The following PRDM16 variants were observed in gnomAD, a reference collection of about 807,000 sequenced individuals.
PRDM16 encodes histone-lysine N-methyltransferase PRDM16.
A neutral mutation model predicts 110.6 loss-of-function variants in PRDM16; 23 were observed. That is an observed-to-expected ratio of 0.21 (90% CI 0.15 to 0.29). The LOEUF (loss-of-function observed/expected upper bound fraction) is 0.29, where lower values mean the gene tolerates loss of function less well. Ranked by LOEUF, PRDM16 falls within the 10% of genes least tolerant of loss-of-function variation. The pLI, the probability that PRDM16 is intolerant of heterozygous loss-of-function variation, is 1.00. For missense variants in PRDM16, 1,615 were observed against 1,794.3 expected, an observed-to-expected ratio of 0.90 and a Z score of 1.81; for synonymous variants, 799 against 781.8, an observed-to-expected ratio of 1.02 and a Z score of -0.37.
chr1:3,248,716 G>T (rs935647943), intron 3 of PRDM16, among the ~76,000 whole-genome samples: 3 of 152,236 alleles, frequency 2.0e-5, no homozygotes, highest in Admixed American at 1.3e-4. Flanking sequence ...TCGTCTGATA[G>T]CCCAGCCTTG....
chr1:3,134,224 C>T (rs1474344667), intron 1 of PRDM16, among the ~76,000 whole-genome samples: 3 of 152,162 alleles, frequency 2.0e-5, no homozygotes, highest in Non-Finnish European at 2.9e-5. Context: ...GAGGCTCCCA[C>T]AGAGAGGGGA....
chr1:3,314,491 A>G (rs982684031), intron 3 of PRDM16, among the ~76,000 whole-genome samples: 1 of 152,042 alleles, frequency 6.6e-6, no homozygotes, highest in African/African-American at 2.4e-5. Flanking sequence ...CCCACCTTAC[A>G]AAGTCCCCCA....
chr1:3,386,030 T>G (rs1643189717), intron 4 of PRDM16, among the ~76,000 whole-genome samples: 1 of 152,194 alleles, frequency 6.6e-6, no homozygotes, highest in Non-Finnish European at 1.5e-5. Context: ...GGTCGCTGCT[T>G]CATGGATTTC....
At chr1:3,191,141 T>C (rs1256476632) in intron 2 of PRDM16, among the ~76,000 whole-genome samples, 1 of 152,270 alleles carries the variant, frequency 6.6e-6, no homozygotes, top group Non-Finnish European at 1.5e-5. Context: ...AGAACGCTGA[T>C]GAGTAAGTGC....
At chr1:3,356,660 G>C (rs771351978) in intron 3 of PRDM16, among the ~76,000 whole-genome samples, 17 of 152,188 alleles carry the variant, frequency 1.1e-4, no homozygotes, top group Admixed American at 2.0e-4. Context: ...CCCCAGAGCG[G>C]CCCCAGGAGG....
rs1019565363 is a variant in PRDM16 at position 3,144,619 on chromosome 1, C to T, written c.38-41506C>T. Among the ~76,000 whole-genome samples, 30 of 152,302 alleles carry T rather than the reference C, an allele frequency of 2.0e-4. 1 individual carries two copies. The highest frequency in any genetic ancestry group is 1.2e-3 in the Admixed American group (18 of 15,302). Reference sequence around the variant, plus strand: ...CAGTTGTAGACCCCACAGCACCCTGCGAGATGGTGCTCTGTGTGCCCGCGT... The same window carrying T: ...CAGTTGTAGACCCCACAGCACCCTGTGAGATGGTGCTCTGTGTGCCCGCGT... On this transcript the variant is annotated intron_variant, in intron 1 of 16. Coordinates refer to ENST00000270722, the MANE Select transcript of PRDM16 (RefSeq NM_022114.4).
chr1:3,121,773 G>A (rs1055273751), intron 1 of PRDM16, among the ~76,000 whole-genome samples: 8 of 152,220 alleles, frequency 5.3e-5, no homozygotes, highest in South Asian at 4.1e-4. Context: ...CCTTCTCTGC[G>A]GGGCCGGCCA....
chr1:3,396,529 G>C lies in PRDM16; in HGVS notation c.612G>C (p.Glu204Asp). 6.2e-7 allele frequency: 1 copy of C among 1,607,204 alleles called. No individual in the cohort carries two copies. Among genetic ancestry groups the C allele is most frequent in the South Asian group, 1.1e-5 (1 of 89,490 alleles). ...TCATTAAGGACATTGAGCCAGGTGA[G>C]GAGCTGCTGGTGCACGTGAAGGAAG... ...YKVIKDIEPG[E>D]ELLVHVKEGV... is the part of the protein sequence containing the mutation. Residue 204 changes from glutamate (E) to aspartate (D), a missense_variant, in exon 5 of 17, where the codon GAG becomes GAC. Glu to Asp is a conservative substitution (Grantham distance 45, BLOSUM62 2). This residue lies in a region of PRDM16 where 416 missense variants were observed against 467.1 expected (regional missense o/e 0.89). Transcript: ENST00000270722.
At chr1:3,140,011 G>A (rs1318260099) in intron 1 of PRDM16, among the ~76,000 whole-genome samples, 2 of 152,256 alleles carry the variant, frequency 1.3e-5, no homozygotes, top group Admixed American at 6.5e-5. Context: ...CAGCCCCGGC[G>A]ACGCATCTCC....
At chr1:3,158,814 C>A (rs1019445452) in intron 1 of PRDM16, among the ~76,000 whole-genome samples, 1 of 146,002 alleles carries the variant, frequency 6.8e-6, no homozygotes, top group Non-Finnish European at 1.5e-5. Context: ...TGTTCTGTTG[C>A]CCAGGCTGGA....
At chr1:3,170,911 CGT>C (rs1367822895) in intron 1 of PRDM16, among the ~76,000 whole-genome samples, 1 of 152,264 alleles carries the variant, frequency 6.6e-6, no homozygotes, top group Non-Finnish European at 1.5e-5. Flanking sequence ...ACCGGGGAAA[CGT>C]GTGTTTCAGC....
rs1279601706 is a variant in PRDM16, at chr1:3,403,586, G to A, written c.884+588G>A. On this transcript the variant is annotated intron_variant, in intron 6 of 16. Coordinates refer to ENST00000270722, the MANE Select transcript of PRDM16 (RefSeq NM_022114.4). Reference sequence around the variant, plus strand: ...GTCCCAGGAGGGGCTTCAGAGACATGAGCGGGCCCACGGTGGCCCTCCCCT... The same window carrying A: ...GTCCCAGGAGGGGCTTCAGAGACATAAGCGGGCCCACGGTGGCCCTCCCCT... Among the ~76,000 whole-genome samples, 5 of 152,228 alleles carry A rather than the reference G, an allele frequency of 3.3e-5. No homozygotes were observed. In the East Asian group the frequency reaches 9.7e-4, roughly 29 times the overall value.
chr1:3,365,912 A>G (rs1642801390), intron 3 of PRDM16, among the ~76,000 whole-genome samples: 1 of 146,962 alleles, frequency 6.8e-6, no homozygotes, highest in Non-Finnish European at 1.5e-5. Context: ...ACACACATGC[A>G]CACATACACA....
At chr1:3,106,078 C>T (rs1456579171) in intron 1 of PRDM16, among the ~76,000 whole-genome samples, 3 of 151,758 alleles carry the variant, frequency 2.0e-5, no homozygotes, top group Admixed American at 1.3e-4. Flanking sequence ...GGCTGGGGCC[C>T]GTCTCACCCT....
chr1:3,377,919 G>A (rs966192146), intron 3 of PRDM16, among the ~76,000 whole-genome samples: 15 of 152,198 alleles, frequency 9.9e-5, no homozygotes, highest in African/African-American at 1.7e-4. Flanking sequence ...CCTATGTCAC[G>A]GAGAACATCC....
At chr1:3,355,239 G>C (rs760366566) in intron 3 of PRDM16, among the ~76,000 whole-genome samples, 5 of 152,176 alleles carry the variant, frequency 3.3e-5, no homozygotes, top group East Asian at 1.9e-4. Flanking sequence ...CTGGCAGGAG[G>C]GGGAGGGAGA....
chr1:3,266,451 G>C (rs1640295448), intron 3 of PRDM16, among the ~76,000 whole-genome samples: 1 of 152,182 alleles, frequency 6.6e-6, no homozygotes, highest in African/African-American at 2.4e-5. Context: ...GAGAGCCCCA[G>C]AGAGACTGGG....
intron 5 of PRDM16, 68 bp downstream of exon 5, chr1:3,396,661 A>G: frequency 1.5e-6 from 1 of 671,708 alleles, no homozygotes; most frequent in Non-Finnish European, 2.6e-6. Flanking sequence ...AGAGGAGCAG[A>G]TGCCTGGGAG....
Position 3,213,562 on chromosome 1 carries a change from A to T in PRDM16, c.387+27088A>T, listed in dbSNP as rs1175760861. Among the ~76,000 whole-genome samples the T allele has an allele frequency of 6.6e-6, 1 of 152,148 alleles. No homozygotes were observed. Among genetic ancestry groups the T allele is most frequent in the African/African-American group, 2.4e-5 (1 of 41,422 alleles). Reference sequence around the variant, plus strand: ...TCCTTTGTCGCCTCCCTGGGGGCACAGACACCTGGAACTCACTCTTTCTCC... The same window carrying T: ...TCCTTTGTCGCCTCCCTGGGGGCACTGACACCTGGAACTCACTCTTTCTCC... On this transcript the variant is annotated intron_variant, in intron 2 of 16. Transcript: ENST00000270722. This position sits in a 1 kb window ranked among gnomAD's most constrained non-coding sequence, Gnocchi z 5.3.
Sources: allele counts gnomAD v4.1 joint callset (sites outside exome capture counted in the v4.1 genomes callset), GRCh38; gene constraint gnomAD v4.1.1; regional missense constraint gnomAD v4.1.1; non-coding constraint Gnocchi (gnomAD v3.1); transcripts MANE v1.5; gene names NCBI Gene and HGNC (gene_info 2026-07-23, HGNC 2026-07-21).